The following VWC2L variants were observed in gnomAD, a reference collection of about 807,000 sequenced individuals.
VWC2L encodes the protein von Willebrand factor C domain containing 2 like, also known as von Willebrand factor C domain-containing protein 2-like.
In VWC2L, 10 loss-of-function variants were observed where a neutral mutation model predicts 21.6. The observed-to-expected ratio is 0.46, with a 90% CI of 0.29 to 0.78. The LOEUF (loss-of-function observed/expected upper bound fraction) is 0.78. Among genes scored for constraint, VWC2L ranks in the 30% least tolerant of loss-of-function variants. VWC2L has a pLI of 0.10. For synonymous variants in VWC2L, 96 were observed against 94.3 expected (o/e 1.02, Z -0.10); for missense variants, 209 against 277.1 (o/e 0.75, Z 1.74).
At chr2:214,472,443 A>G (rs1189273702) in intron 3 of VWC2L, among the ~76,000 whole-genome samples, 3 of 152,270 alleles carry the variant, frequency 2.0e-5, no homozygotes, top group East Asian at 1.9e-4. Context: ...ATGTGTGTGC[A>G]CATGTACCAA....
At chr2:214,461,763 A>G (rs984049354) in intron 3 of VWC2L, among the ~76,000 whole-genome samples, 4 of 152,164 alleles carry the variant, frequency 2.6e-5, no homozygotes, top group Admixed American at 1.3e-4. Context: ...GTTCCCTAAC[A>G]GCATGGTTAG....
intron 3 of VWC2L, among the ~76,000 whole-genome samples, chr2:214,456,753 A>T (rs559141572): frequency 1.3e-5 from 2 of 152,094 alleles, no homozygotes; most frequent in East Asian, 3.9e-4. Context: ...TTGATTTTTC[A>T]TATGGTGAAA....
intron 2 of VWC2L, among the ~76,000 whole-genome samples, chr2:214,427,178 G>T (rs944203232): frequency 6.6e-6 from 1 of 152,024 alleles, no homozygotes; most frequent in Non-Finnish European, 1.5e-5. Flanking sequence ...ATTTTCACAC[G>T]TTAGCTTTAT....
chr2:214,484,553 A>G lies in VWC2L; in HGVS notation c.520+47795A>G, dbSNP rs573565103. 1.8e-3 allele frequency among the ~76,000 whole-genome samples: 267 copies of G among 152,302 alleles called. 1 individual carries two copies. The highest frequency in any genetic ancestry group is 3.0e-3 in the Non-Finnish European group (202 of 68,022). ...CACCCAGCTGGCTGAAGCAGTGATC[A>G]TACGGCAGAACAATGGAAAATCATC... is the stretch of plus-strand genomic sequence containing the variant. On this transcript the variant is annotated intron_variant, in intron 3 of 3. Transcript: ENST00000312504.
intron 3 of VWC2L, among the ~76,000 whole-genome samples, chr2:214,568,000 T>C (rs1206389245): frequency 2.0e-5 from 3 of 152,184 alleles, no homozygotes; most frequent in African/African-American, 4.8e-5. Flanking sequence ...GGAAAATATA[T>C]GATTATGAAG....
At chr2:214,547,542 A>G (rs900132036) in intron 3 of VWC2L, among the ~76,000 whole-genome samples, 1 of 152,204 alleles carries the variant, frequency 6.6e-6, no homozygotes, top group African/African-American at 2.4e-5. Context: ...AAATAGATGC[A>G]ACAATTAATT....
chr2:214,426,005 C>G (rs1702519103), intron 2 of VWC2L, among the ~76,000 whole-genome samples: 1 of 151,640 alleles, frequency 6.6e-6, no homozygotes, highest in Non-Finnish European at 1.5e-5. Flanking sequence ...AACCCCATCT[C>G]TACTAAAAAT....
chr2:214,508,131 C>T (rs1387265268), intron 3 of VWC2L, among the ~76,000 whole-genome samples: 1 of 152,082 alleles, frequency 6.6e-6, no homozygotes, highest in African/African-American at 2.4e-5. Context: ...CGCCCACCAC[C>T]GTGCCCGGCT....
chr2:214,502,339 A>G (rs1439026133), intron 3 of VWC2L, among the ~76,000 whole-genome samples: 1 of 152,188 alleles, frequency 6.6e-6, no homozygotes, highest in African/African-American at 2.4e-5. Flanking sequence ...CGGGAGGCTG[A>G]GGCAGGCGGA....
chr2:214,508,784 A>C (rs1689007229), intron 3 of VWC2L, among the ~76,000 whole-genome samples: 1 of 151,970 alleles, frequency 6.6e-6, no homozygotes, highest in Non-Finnish European at 1.5e-5. Context: ...TTTTGGGGCA[A>C]TTTTGTGTTT....
chr2:214,532,103 G>A (rs148556949), intron 3 of VWC2L, among the ~76,000 whole-genome samples: 1 of 152,130 alleles, frequency 6.6e-6, no homozygotes, highest in Non-Finnish European at 1.5e-5. Context: ...TAACCATAGA[G>A]ATAGGAAACC....
At chr2:214,512,677 T>C (rs764064629) in intron 3 of VWC2L, among the ~76,000 whole-genome samples, 2 of 150,776 alleles carry the variant, frequency 1.3e-5, no homozygotes, top group Non-Finnish European at 2.9e-5. Context: ...TGTAAAAGAG[T>C]AGGTGGATGA....
At chr2:214,545,794 A>G (rs572398918) in intron 3 of VWC2L, among the ~76,000 whole-genome samples, 9 of 152,322 alleles carry the variant, frequency 5.9e-5, no homozygotes, top group Non-Finnish European at 1.2e-4. Flanking sequence ...ATCTGGCCAC[A>G]GAGGCAACCA....
At chr2:214,451,353 C>A (rs1702952726) in intron 3 of VWC2L, among the ~76,000 whole-genome samples, 1 of 147,920 alleles carries the variant, frequency 6.8e-6, no homozygotes, top group Admixed American at 6.8e-5. Flanking sequence ...CATCCAATGA[C>A]TACCTGTGAG....
intron 3 of VWC2L, among the ~76,000 whole-genome samples, chr2:214,533,176 A>G (rs1689468593): frequency 6.6e-6 from 1 of 152,024 alleles, no homozygotes; most frequent in South Asian, 2.1e-4. Context: ...TTCTTTTGTA[A>G]CCCAGAAACA....
At chr2:214,523,727 G>A (rs1334875496) in intron 3 of VWC2L, among the ~76,000 whole-genome samples, 1 of 152,050 alleles carries the variant, frequency 6.6e-6, no homozygotes, top group African/African-American at 2.4e-5. Flanking sequence ...TAATTACTCG[G>A]GAGGCTGAGG....
chr2:214,428,242 T>C (rs1702553807), intron 2 of VWC2L, among the ~76,000 whole-genome samples: 1 of 152,140 alleles, frequency 6.6e-6, no homozygotes, highest in Non-Finnish European at 1.5e-5. Context: ...ATGAGAAAAT[T>C]AGAGCACTCT....
At chr2:214,537,048 C>T (rs184927651) in intron 3 of VWC2L, among the ~76,000 whole-genome samples, 45 of 151,686 alleles carry the variant, frequency 3.0e-4, no homozygotes, top group African/African-American at 9.4e-4. Flanking sequence ...TTAATTACCT[C>T]GGGGCTCATT....
At chr2:214,554,330 C>T (rs1453054932) in intron 3 of VWC2L, among the ~76,000 whole-genome samples, 1 of 152,142 alleles carries the variant, frequency 6.6e-6, no homozygotes, top group Non-Finnish European at 1.5e-5. Context: ...CAAGAATATT[C>T]CAAAGTAAGC....
Sources: allele counts gnomAD v4.1 joint callset (sites outside exome capture counted in the v4.1 genomes callset), GRCh38; gene constraint gnomAD v4.1.1; transcripts MANE v1.5; gene names NCBI Gene and HGNC (gene_info 2026-07-23, HGNC 2026-07-21).